APOLD1: variants seen among roughly 807,000 people sequenced by gnomAD.
APOLD1 encodes the protein apolipoprotein L domain containing 1.
A neutral mutation model predicts 15.3 loss-of-function variants in APOLD1; 22 were observed. The observed-to-expected ratio is 1.44, with a 90% CI of 1.03 to 2.05. The LOEUF is 2.05. Ranked by LOEUF, APOLD1 falls within the 30% of genes most tolerant of loss-of-function variation. APOLD1 has a pLI of 0.00. For missense variants in APOLD1, 394 were observed against 353.5 expected (o/e 1.11, Z -0.92); for synonymous variants, 190 against 167.4 (o/e 1.13, Z -1.04).
At chr12:12,736,402 C>A (rs1459152580) in intron 1 of APOLD1, among the ~76,000 whole-genome samples, 5 of 151,464 alleles carry the variant, frequency 3.3e-5, no homozygotes, top group Non-Finnish European at 7.4e-5. Context: ...TGGTGTGCAC[C>A]TGTAGTCCCA....
intron 1 of APOLD1, among the ~76,000 whole-genome samples, chr12:12,728,110 T>A (rs1414554907): frequency 6.6e-6 from 1 of 152,050 alleles, no homozygotes; most frequent in Non-Finnish European, 1.5e-5. Flanking sequence ...GGACTACAGA[T>A]GTGTGCCACC....
chr12:12,756,255 T>G (rs1241820553), intron 1 of APOLD1, among the ~76,000 whole-genome samples: 3 of 152,236 alleles, frequency 2.0e-5, no homozygotes, highest in African/African-American at 7.2e-5. Flanking sequence ...TTTTCCAGAT[T>G]TCTCTTTGAG....
chr12:12,735,003 G>A (rs73281161), intron 1 of APOLD1, among the ~76,000 whole-genome samples: 6,440 of 152,178 alleles, frequency 0.042, 432 homozygotes, highest in African/African-American at 0.15. Context: ...TTGGATCCCA[G>A]ACAAGGTGAC....
chr12:12,747,618 C>T (rs929461577), intron 1 of APOLD1, among the ~76,000 whole-genome samples: 1 of 152,192 alleles, frequency 6.6e-6, no homozygotes, highest in Non-Finnish European at 1.5e-5. Context: ...TCCTGCAACC[C>T]AGTCCTATCA....
At chr12:12,742,852 C>T (rs1295241876) in intron 1 of APOLD1, among the ~76,000 whole-genome samples, 1 of 152,054 alleles carries the variant, frequency 6.6e-6, no homozygotes, top group African/African-American at 2.4e-5. Context: ...GCAGCCTTGA[C>T]ATCCAGGGCT....
chr12:12,759,288 T>C (rs1946880600), intron 1 of APOLD1, among the ~76,000 whole-genome samples: 1 of 152,228 alleles, frequency 6.6e-6, no homozygotes, highest in South Asian at 2.1e-4. Flanking sequence ...CACATGGATT[T>C]AAATATCTTT....
chr12:12,776,476 C>T (rs1947034953), intron 1 of APOLD1, among the ~76,000 whole-genome samples: 2 of 152,176 alleles, frequency 1.3e-5, no homozygotes, highest in African/African-American at 4.8e-5. Flanking sequence ...GTCTTTCTGG[C>T]ACCAGAAGAA....
upstream of APOLD1, among the ~76,000 whole-genome samples, chr12:12,783,438 G>C (rs528307667): frequency 1.3e-5 from 2 of 150,454 alleles, no homozygotes; most frequent in African/African-American, 4.9e-5. Context: ...AGTCTCCTGA[G>C]TAGCTGGGAC....
rs766270857 is a variant in APOLD1, at chr12:12,787,080, G to T, written c.175G>T (p.Gly59Cys). ...RRRSLVANVA[G>C]SSLSATGALA... ...GCGCTCCCTCGTAGCCAACGTGGCC[G>T]GCAGCTCGCTGAGCGCAACGGGCGC... Residue 59 changes from glycine (G) to cysteine (C), a missense_variant, in exon 2 of 2, where the codon GGC becomes TGC. Physicochemically the swap from Gly to Cys is radical, Grantham distance 159. Transcript: ENST00000356591. The surrounding 1 kb of genome is among the most constrained non-coding windows in gnomAD (Gnocchi z 4.9). 21 of 1,393,574 alleles carry T rather than the reference G, an allele frequency of 1.5e-5. No individual in the cohort carries two copies. The South Asian group carries it at 3.0e-4, about 20-fold the overall frequency. 86.3% of individuals were successfully genotyped at this position (1,393,574 alleles called of 1,614,324 possible). A position where few individuals can be genotyped will look rare whatever the true frequency, so the allele number is the denominator to read the frequency against.
chr12:12,765,835 C>A (rs1029835067), intron 1 of APOLD1, among the ~76,000 whole-genome samples: 1 of 152,122 alleles, frequency 6.6e-6, no homozygotes, highest in East Asian at 1.9e-4. Flanking sequence ...GCACCACTGT[C>A]GTCCAGTCTG....
chr12:12,763,407 G>A (rs994247114), intron 1 of APOLD1, among the ~76,000 whole-genome samples: 4 of 152,020 alleles, frequency 2.6e-5, no homozygotes, highest in Non-Finnish European at 4.4e-5. Flanking sequence ...AAAAAGTGTA[G>A]TATTTGTGTA....
At chr12:12,726,231 A>G in intron 1 of APOLD1, 2 of 760,778 alleles carry the variant, frequency 2.6e-6, no homozygotes, top group Non-Finnish European at 4.4e-6. Flanking sequence ...AGAACCCATC[A>G]TAATTCAGCC....
intron 1 of APOLD1, among the ~76,000 whole-genome samples, chr12:12,767,586 G>A (rs770821343): frequency 2.0e-5 from 3 of 152,092 alleles, no homozygotes; most frequent in African/African-American, 4.8e-5. Flanking sequence ...GCTTGAACCC[G>A]GGAGGCGGAG....
chr12:12,771,515 T>C, intron 1 of APOLD1: 1 of 507,632 alleles, frequency 2.0e-6, no homozygotes, highest in Non-Finnish European at 3.9e-6. Flanking sequence ...AGATGTTAAT[T>C]ATCTCATTTT....
chr12:12,742,393 G>A (rs567937735), intron 1 of APOLD1, among the ~76,000 whole-genome samples: 94 of 152,286 alleles, frequency 6.2e-4, no homozygotes, highest in Middle Eastern at 3.4e-3. Flanking sequence ...AATGAGCTTT[G>A]CCTCTAAGCC....
intron 1 of APOLD1, among the ~76,000 whole-genome samples, chr12:12,739,873 G>A (rs1358540486): frequency 8.1e-5 from 12 of 148,590 alleles, no homozygotes; most frequent in Non-Finnish European, 1.8e-4. Context: ...CTGGAGTGCA[G>A]TGGTGCTATC....
At chr12:12,742,907 G>A (rs368093631) in intron 1 of APOLD1, among the ~76,000 whole-genome samples, 2 of 152,232 alleles carry the variant, frequency 1.3e-5, no homozygotes, top group East Asian at 1.9e-4. Context: ...TGGAACTACA[G>A]GCATGTGACA....
At chr12:12,773,548 C>T (rs1441980323) in intron 1 of APOLD1, among the ~76,000 whole-genome samples, 2 of 151,752 alleles carry the variant, frequency 1.3e-5, no homozygotes, top group Non-Finnish European at 2.9e-5. Context: ...GGTGACAGAC[C>T]GTGTCTGTTA....
intron 1 of APOLD1, among the ~76,000 whole-genome samples, chr12:12,734,804 C>T (rs556145388): frequency 4.7e-4 from 71 of 152,322 alleles, no homozygotes; most frequent in African/African-American, 1.6e-3. Context: ...GCTGCATTGT[C>T]GCGTGCAGTC....
Sources: allele counts gnomAD v4.1 joint callset (sites outside exome capture counted in the v4.1 genomes callset), GRCh38; gene constraint gnomAD v4.1.1; non-coding constraint Gnocchi (gnomAD v3.1); transcripts MANE v1.5; gene names NCBI Gene and HGNC (gene_info 2026-07-23, HGNC 2026-07-21).